SHANK2: variants seen among roughly 807,000 people sequenced by gnomAD.
SHANK2 encodes the protein SH3 and multiple ankyrin repeat domains protein 2.
SHANK2 carries 43 observed loss-of-function variants against 133.7 expected under a neutral mutation model. The observed-to-expected ratio is 0.32, with a 90% CI of 0.25 to 0.41. SHANK2 has a LOEUF of 0.41. Ranked by LOEUF, SHANK2 falls within the 10% of genes least tolerant of loss-of-function variation. SHANK2 has a pLI of 1.00. For missense variants in SHANK2, 1,994 were observed against 2,235.8 expected (o/e 0.89, Z 2.18); for synonymous variants, 1,017 against 952.8 (o/e 1.07, Z -1.24).
intron 15 of SHANK2, among the ~76,000 whole-genome samples, chr11:70,679,635 C>CA: frequency 6.6e-6 from 1 of 152,254 alleles, no homozygotes. Flanking sequence ...AGGGCACCTC[C>CA]ACTGAACGGG....
At chr11:71,132,736 G>A (rs375965952) in intron 3 of SHANK2, among the ~76,000 whole-genome samples, 1 of 152,182 alleles carries the variant, frequency 6.6e-6, no homozygotes, top group African/African-American at 2.4e-5. Context: ...GCCCTGTGAC[G>A]TGAATAATAA....
At chr11:70,689,439 C>G (rs1945227720) in intron 15 of SHANK2, among the ~76,000 whole-genome samples, 2 of 152,254 alleles carry the variant, frequency 1.3e-5, no homozygotes. Flanking sequence ...GGAGGGGTCT[C>G]CAGAGCAATG....
chr11:70,859,680 A>C (rs1949227171), intron 11 of SHANK2, among the ~76,000 whole-genome samples: 1 of 152,246 alleles, frequency 6.6e-6, no homozygotes, highest in African/African-American at 2.4e-5. Flanking sequence ...AGAACCAGCA[A>C]GTGGCAAAAC....
intron 17 of SHANK2, among the ~76,000 whole-genome samples, chr11:70,503,251 G>A (rs1555159285): frequency 6.6e-6 from 1 of 152,134 alleles, no homozygotes; most frequent in Non-Finnish European, 1.5e-5. Context: ...ATCCTTAGGT[G>A]CTTACTTTTA....
chr11:70,828,498 A>C (rs1321413528), intron 11 of SHANK2, among the ~76,000 whole-genome samples: 1 of 152,246 alleles, frequency 6.6e-6, no homozygotes, highest in South Asian at 2.1e-4. Context: ...CACAGAGTTC[A>C]TGCACCTCCT....
chr11:70,740,208 C>G (rs782030899), intron 14 of SHANK2, among the ~76,000 whole-genome samples: 1 of 152,168 alleles, frequency 6.6e-6, no homozygotes, highest in Non-Finnish European at 1.5e-5. Flanking sequence ...CAGGTGCTCA[C>G]TGGACACAGG....
rs34452642 is a variant in SHANK2, at chr11:70,492,787, G to GTTTTTTTTT, written c.2309-331_2309-323dup. ...TTTCTGTTTTTTGGGACATTTCTGT[G>GTTTTTTTTT]TTTTTTTTTTTTTTTTTTTTTTTTT... On this transcript the variant is annotated intron_variant, in intron 21 of 25. Transcript: ENST00000601538. 4.2e-5 allele frequency among the ~76,000 whole-genome samples: 3 copies of GTTTTTTTTT among 70,594 alleles called. No individual in the cohort carries two copies. In the East Asian group the frequency reaches 1.5e-3, roughly 35 times the overall value. The allele number at this position is 70,594 out of a possible 152,430, so 46.3% of individuals were successfully genotyped here. A position where few individuals can be genotyped will look rare whatever the true frequency, so the allele number is the denominator to read the frequency against.
chr11:71,098,387 C>T (rs1256734864), intron 6 of SHANK2, among the ~76,000 whole-genome samples: 1 of 152,206 alleles, frequency 6.6e-6, no homozygotes, highest in African/African-American at 2.4e-5. Flanking sequence ...AACGACTGGG[C>T]AAGCGATTCT....
At chr11:71,102,370 G>A (rs973883235) in intron 6 of SHANK2, among the ~76,000 whole-genome samples, 2 of 152,260 alleles carry the variant, frequency 1.3e-5, no homozygotes, top group African/African-American at 4.8e-5. Flanking sequence ...TCATTGACAG[G>A]TCGTTCCACT....
intron 14 of SHANK2, among the ~76,000 whole-genome samples, chr11:70,769,065 A>G (rs1172652779): frequency 6.6e-6 from 1 of 152,070 alleles, no homozygotes; most frequent in African/African-American, 2.4e-5. Flanking sequence ...CCCAGGTGTA[A>G]TTCGCTGAGA....
chr11:70,938,194 C>T (rs1555083737), intron 10 of SHANK2, among the ~76,000 whole-genome samples: 1 of 152,098 alleles, frequency 6.6e-6, no homozygotes, highest in African/African-American at 2.4e-5. Context: ...CGGAACGGAA[C>T]CCAGAGAGGG....
intron 10 of SHANK2, among the ~76,000 whole-genome samples, chr11:70,930,640 CTTGTTT>C (rs1950489145): frequency 1.4e-5 from 2 of 144,384 alleles, no homozygotes; most frequent in South Asian, 4.6e-4. Flanking sequence ...TGCCTTTTCT[CTTGTTT>C]TTATTTCTTT....
At chr11:70,896,251 C>G in intron 11 of SHANK2, 1 of 405,456 alleles carries the variant, frequency 2.5e-6, no homozygotes, top group Non-Finnish European at 4.4e-6. Flanking sequence ...CAGAATAGAT[C>G]AGAACATCAT....
At chr11:70,643,119 A>G (rs1300849729) in intron 17 of SHANK2, among the ~76,000 whole-genome samples, 1 of 152,142 alleles carries the variant, frequency 6.6e-6, no homozygotes, top group Non-Finnish European at 1.5e-5. Context: ...CCCTCCACCC[A>G]TCTCTTCCTC....
chr11:70,721,996 G>A (rs1336267811), intron 14 of SHANK2, among the ~76,000 whole-genome samples: 5 of 152,230 alleles, frequency 3.3e-5, no homozygotes, highest in Admixed American at 3.3e-4. Flanking sequence ...CACCTCATGT[G>A]GCACTCAAGG....
intron 8 of SHANK2, among the ~76,000 whole-genome samples, chr11:71,085,981 T>TTA (rs1951397467): frequency 1.3e-5 from 1 of 79,160 alleles, no homozygotes; most frequent in African/African-American, 5.5e-5. Flanking sequence ...ATATATTATG[T>TTA]TATATATTAT....
rs1236614886 is a variant in SHANK2 at position 70,807,273 on chromosome 11, C to T, written c.1494-102G>A. 13 of 668,664 alleles carry T rather than the reference C, an allele frequency of 1.9e-5. No individual in the cohort carries two copies. Among genetic ancestry groups the T allele is most frequent in the Non-Finnish European group, 2.7e-5 (10 of 371,612 alleles). 41.4% of individuals were successfully genotyped at this position (668,664 alleles called of 1,614,324 possible). ...AAGCCATTCAACGCATGCTGCGCCT[C>T]GGCTGGCCGCATCAGAACTCCTGAT... On this transcript the variant is annotated intron_variant, in intron 12 of 25. Coordinates refer to ENST00000601538, the MANE Select transcript of SHANK2 (RefSeq NM_012309.5). This position sits in a 1 kb window ranked among gnomAD's most constrained non-coding sequence, Gnocchi z 4.8.
chr11:70,587,040 C>G (rs1478778391), intron 17 of SHANK2, among the ~76,000 whole-genome samples: 1 of 152,200 alleles, frequency 6.6e-6, no homozygotes, highest in Admixed American at 6.5e-5. Flanking sequence ...TGCCAGTGCT[C>G]TTGTTGAACA....
chr11:70,935,064 C>T (rs956325694), intron 10 of SHANK2, among the ~76,000 whole-genome samples: 6 of 152,078 alleles, frequency 3.9e-5, no homozygotes, highest in Non-Finnish European at 7.4e-5. Flanking sequence ...ACCTGCAGTC[C>T]AATGCAATCC....
Sources: allele counts gnomAD v4.1 joint callset (sites outside exome capture counted in the v4.1 genomes callset), GRCh38; gene constraint gnomAD v4.1.1; non-coding constraint Gnocchi (gnomAD v3.1); transcripts MANE v1.5; gene names NCBI Gene and HGNC (gene_info 2026-07-23, HGNC 2026-07-21).